The following LRRC3B variants were observed in gnomAD, a reference collection of about 807,000 sequenced individuals.
LRRC3B encodes leucine-rich repeat-containing protein 3B.
Under a neutral mutation model 12.8 loss-of-function variants are expected in LRRC3B, and 2 were observed. That is an observed-to-expected ratio of 0.16 (90% CI 0.06 to 0.49). The LOEUF (loss-of-function observed/expected upper bound fraction) is 0.49. Among genes scored for constraint, LRRC3B ranks in the 20% least tolerant of loss-of-function variants. The pLI, the probability that LRRC3B is intolerant of heterozygous loss-of-function variation, is 0.96. For synonymous variants in LRRC3B, 132 were observed against 122.0 expected, an observed-to-expected ratio of 1.08 and a Z score of -0.54; for missense variants, 189 against 319.4, an observed-to-expected ratio of 0.59 and a Z score of 3.11.
intron 1 of LRRC3B, among the ~76,000 whole-genome samples, chr3:26,646,538 C>T (rs1699147433): frequency 6.8e-6 from 1 of 147,310 alleles, no homozygotes; most frequent in African/African-American, 2.5e-5. Context: ...TTTGAATTTA[C>T]CCCAGAGTGT....
chr3:26,673,221 A>G (rs1018969209), intron 1 of LRRC3B, among the ~76,000 whole-genome samples: 2 of 152,230 alleles, frequency 1.3e-5, no homozygotes, highest in African/African-American at 4.8e-5. Flanking sequence ...TCTTTAAAAA[A>G]AATCAGAACA....
At chr3:26,671,365 T>TAGAGAGAGAG (rs1466620108) in intron 1 of LRRC3B, among the ~76,000 whole-genome samples, 9 of 43,462 alleles carry the variant, frequency 2.1e-4, no homozygotes, top group East Asian at 1.4e-3. Flanking sequence ...TATATATATA[T>TAGAGAGAGAG]ATATATATAG....
chr3:26,654,615 A>G (rs1699333143), intron 1 of LRRC3B, among the ~76,000 whole-genome samples: 1 of 152,190 alleles, frequency 6.6e-6, no homozygotes, highest in African/African-American at 2.4e-5. Context: ...CATAAGCAAA[A>G]ACAGAGATGA....
intron 1 of LRRC3B, among the ~76,000 whole-genome samples, chr3:26,638,317 T>C (rs1050119142): frequency 3.3e-5 from 5 of 152,212 alleles, no homozygotes; most frequent in Non-Finnish European, 7.3e-5. Context: ...GTTGTGACTT[T>C]TATTGGTGAT....
intron 1 of LRRC3B, among the ~76,000 whole-genome samples, chr3:26,692,410 A>T (rs1700210248): frequency 6.6e-6 from 1 of 152,178 alleles, no homozygotes; most frequent in Non-Finnish European, 1.5e-5. Flanking sequence ...TATTATTCAG[A>T]TTACACCTTA....
intron 1 of LRRC3B, among the ~76,000 whole-genome samples, chr3:26,698,670 C>G (rs1700378900): frequency 6.6e-6 from 1 of 151,998 alleles, no homozygotes; most frequent in African/African-American, 2.4e-5. Context: ...CATCACCATC[C>G]CTTTAAAATT....
At chr3:26,676,234 TC>T in intron 1 of LRRC3B, among the ~76,000 whole-genome samples, 1 of 105,268 alleles carries the variant, frequency 9.5e-6, no homozygotes, top group African/African-American at 3.6e-5. Context: ...CCCTTCCCCC[TC>T]CCCCCACCCC....
intron 1 of LRRC3B, among the ~76,000 whole-genome samples, chr3:26,628,164 A>T (rs1698670753): frequency 6.6e-6 from 1 of 152,144 alleles, no homozygotes; most frequent in African/African-American, 2.4e-5. Flanking sequence ...AAATCATATA[A>T]ATATGAGTTC....
intron 1 of LRRC3B, among the ~76,000 whole-genome samples, chr3:26,671,319 G>A (rs1664704019): frequency 7.7e-6 from 1 of 130,174 alleles, no homozygotes; most frequent in Admixed American, 8.1e-5. Context: ...CCGGCCTCAT[G>A]TATCTTATAA....
At chr3:26,658,902 A>G (rs543799252) in intron 1 of LRRC3B, among the ~76,000 whole-genome samples, 1 of 152,330 alleles carries the variant, frequency 6.6e-6, no homozygotes, top group East Asian at 1.9e-4. Flanking sequence ...TGAAAAAAGG[A>G]TTGTTAACTG....
rs376669925 is a variant in LRRC3B, at chr3:26,678,500, C to T, written c.-160-31013C>T. 2.7e-3 allele frequency among the ~76,000 whole-genome samples: 331 copies of T among 123,830 alleles called. 2 individuals carry two copies. The highest frequency in any genetic ancestry group is 3.9e-3 in the Non-Finnish European group (254 of 65,118). The allele number at this position is 123,830 out of a possible 152,430, so 81.2% of individuals were successfully genotyped here. ...CAGATTGAGACCCTGTCTCAAAAAA[C>T]GAAAAAAAAAAAAGTAGTAGGATTC... is the stretch of plus-strand genomic sequence containing the variant. On this transcript the variant is annotated intron_variant, in intron 1 of 1. Transcript: ENST00000396641.
At chr3:26,641,864 G>A (rs139471300) in intron 1 of LRRC3B, among the ~76,000 whole-genome samples, 2 of 152,200 alleles carry the variant, frequency 1.3e-5, no homozygotes, top group Non-Finnish European at 2.9e-5. Context: ...TAGACACTCA[G>A]CAATTACAGA....
chr3:26,628,664 A>G (rs1698684414), intron 1 of LRRC3B, among the ~76,000 whole-genome samples: 1 of 151,892 alleles, frequency 6.6e-6, no homozygotes, highest in Non-Finnish European at 1.5e-5. Context: ...CTTTATAAAA[A>G]CTTAGTGAAT....
At chr3:26,684,105 G>A (rs1487804327) in intron 1 of LRRC3B, among the ~76,000 whole-genome samples, 2 of 152,188 alleles carry the variant, frequency 1.3e-5, no homozygotes, top group Non-Finnish European at 2.9e-5. Context: ...GATCACGGTT[G>A]GATGAACAAT....
At chr3:26,709,667 T>C in exon 2 of LRRC3B, 1 of 1,611,832 alleles carries the variant, frequency 6.2e-7, no homozygotes, top group South Asian at 1.1e-5. Flanking sequence ...ATGCTGACAT[T>C]CCAGCATGAA....
At chr3:26,701,247 G>A (rs1424237385) in intron 1 of LRRC3B, 1 of 152,028 alleles carries the variant, frequency 6.6e-6, no homozygotes, top group Admixed American at 6.6e-5. Context: ...AGAGGATTTA[G>A]TAAGTGGCTT....
chr3:26,701,245 T>G (rs1421900810), intron 1 of LRRC3B: 2 of 152,136 alleles, frequency 1.3e-5, no homozygotes, highest in African/African-American at 4.8e-5. Context: ...AAAGAGGATT[T>G]AGTAAGTGGC....
chr3:26,628,206 C>T (rs73148414), intron 1 of LRRC3B, among the ~76,000 whole-genome samples: 150 of 151,868 alleles, frequency 9.9e-4, no homozygotes, highest in African/African-American at 3.3e-3. Flanking sequence ...TATTATTAAG[C>T]AATATGCTCT....
rs1232813885 is a variant in LRRC3B, at chr3:26,690,002, C to T, written c.-160-19511C>T. Reference sequence around the variant, plus strand: ...ACTAAATCAGGGAATTGAGGAGACCCCACCTGGTTCCCCACCACCTTCTTC... The same window carrying T: ...ACTAAATCAGGGAATTGAGGAGACCTCACCTGGTTCCCCACCACCTTCTTC... On this transcript the variant is annotated intron_variant, in intron 1 of 1. Coordinates refer to ENST00000396641, the Ensembl canonical transcript of LRRC3B. Among the ~76,000 whole-genome samples, 4 of 152,270 alleles carry T rather than the reference C, an allele frequency of 2.6e-5. No homozygotes were observed. The East Asian group carries it at 5.8e-4, about 22-fold the overall frequency.
Sources: gnomAD v4.1 joint callset for allele counts (sites outside exome capture counted in the v4.1 genomes callset) on GRCh38, gnomAD v4.1.1 for gene constraint, MANE v1.5 for transcripts, NCBI Gene and HGNC (gene_info 2026-07-23, HGNC 2026-07-21) for gene names.